TENM2: variants seen among roughly 807,000 people sequenced by gnomAD.
TENM2 encodes teneurin-2.
TENM2 carries 52 observed loss-of-function variants against 245.2 expected under a neutral mutation model. The ratio of observed to expected loss-of-function variants is 0.21; its 90% CI spans 0.17 to 0.27. The LOEUF (loss-of-function observed/expected upper bound fraction) is 0.27, where lower values mean the gene tolerates loss of function less well. Ranked by LOEUF, TENM2 falls within the 10% of genes least tolerant of loss-of-function variation. The pLI, the probability that TENM2 is intolerant of heterozygous loss-of-function variation, is 1.00. For synonymous variants in TENM2, 1,363 were observed against 1,438.9 expected (o/e 0.95, Z 1.19); for missense variants, 3,046 against 3,666.8 (o/e 0.83, Z 4.37).
the TENM2 span, among the ~76,000 whole-genome samples, chr5:167,170,852 G>A: frequency 6.6e-6 from 1 of 152,168 alleles, no homozygotes; most frequent in Middle Eastern, 3.2e-3. Flanking sequence ...ATTTGACACA[G>A]TGAATCACGT....
intron 4 of TENM2, among the ~76,000 whole-genome samples, chr5:167,985,686 C>T (rs1156238320): frequency 6.6e-6 from 1 of 152,164 alleles, no homozygotes; most frequent in African/African-American, 2.4e-5. Context: ...CTTTTCACAG[C>T]CCTGCTAGGA....
At chr5:167,152,210 T>C in the TENM2 span, among the ~76,000 whole-genome samples, 1 of 152,216 alleles carries the variant, frequency 6.6e-6, no homozygotes, top group Non-Finnish European at 1.5e-5. Flanking sequence ...ACTTACATGG[T>C]ATGAAGCAGA....
At chr5:168,026,033 C>T (rs1786593863) in intron 5 of TENM2, among the ~76,000 whole-genome samples, 1 of 152,154 alleles carries the variant, frequency 6.6e-6, no homozygotes, top group Admixed American at 6.5e-5. Context: ...CTGTACAACT[C>T]TCTGGGGAAG....
chr5:167,090,693 G>A, the TENM2 span, among the ~76,000 whole-genome samples: 15 of 151,972 alleles, frequency 9.9e-5, no homozygotes, highest in Non-Finnish European at 1.9e-4. Context: ...ATTACATTTC[G>A]TGAAAGGAGA....
In TENM2 at chr5:168,122,840, T is replaced by C. The variant is rs560978438; in HGVS notation, c.2009-2010T>C. ...AATATCTCTTACCACTGAAAATTATTATTTTTGCCTCAAGGGAGGGCTGCC... is the reference window on the plus strand; with the variant it reads ...AATATCTCTTACCACTGAAAATTATCATTTTTGCCTCAAGGGAGGGCTGCC... On this transcript the variant is annotated intron_variant, in intron 10 of 28. Coordinates refer to ENST00000518659, the Ensembl canonical transcript of TENM2. 3.3e-5 allele frequency among the ~76,000 whole-genome samples: 5 copies of C among 152,276 alleles called. 1 individual carries two copies. The highest frequency in any genetic ancestry group is 1.2e-4 in the African/African-American group (5 of 41,560).
chr5:167,190,215 C>T, the TENM2 span, among the ~76,000 whole-genome samples: 1 of 152,030 alleles, frequency 6.6e-6, no homozygotes, highest in African/African-American at 2.4e-5. Context: ...ATAATGGTTT[C>T]CCCAGTCTAA....
At chr5:167,369,001 C>A (rs1760235699) in intron 1 of TENM2, among the ~76,000 whole-genome samples, 1 of 151,924 alleles carries the variant, frequency 6.6e-6, no homozygotes, top group Non-Finnish European at 1.5e-5. Context: ...AACACTTGGT[C>A]TTTTAAAATT....
intron 5 of TENM2, among the ~76,000 whole-genome samples, chr5:168,037,328 T>C (rs1787795203): frequency 6.6e-6 from 1 of 151,772 alleles, no homozygotes; most frequent in Admixed American, 6.6e-5. Flanking sequence ...TCAACATCCT[T>C]ACTTCTTCAA....
intron 2 of TENM2, among the ~76,000 whole-genome samples, chr5:167,543,736 G>T (rs1006705070): frequency 2.6e-5 from 4 of 152,074 alleles, no homozygotes; most frequent in Non-Finnish European, 5.9e-5. Flanking sequence ...ATTCTTCCTT[G>T]CCCCTTTCTA....
chr5:167,872,504 G>T (rs796700215), intron 2 of TENM2, among the ~76,000 whole-genome samples: 1 of 13,222 alleles, frequency 7.6e-5, no homozygotes, highest in Admixed American at 1.3e-3. Flanking sequence ...AAGAAAGAAA[G>T]AAAGAAAGAA....
At chr5:167,254,598 A>T in the TENM2 span, among the ~76,000 whole-genome samples, 1 of 152,172 alleles carries the variant, frequency 6.6e-6, no homozygotes, top group Non-Finnish European at 1.5e-5. Context: ...CATGGAGCTT[A>T]TATTACCAAG....
intron 23 of TENM2, among the ~76,000 whole-genome samples, chr5:168,221,408 A>G (rs1257093445): frequency 6.6e-6 from 1 of 152,226 alleles, no homozygotes; most frequent in Admixed American, 6.5e-5. Context: ...GGGAGTTGGT[A>G]GTGAAGCAGG....
intron 4 of TENM2, among the ~76,000 whole-genome samples, chr5:167,954,235 T>A (rs938251720): frequency 6.6e-6 from 1 of 152,078 alleles, no homozygotes; most frequent in Non-Finnish European, 1.5e-5. Context: ...ACACAAAGAA[T>A]GGTTACATAA....
chr5:167,754,961 G>A, intron 2 of TENM2: 3 of 1,500,280 alleles, frequency 2.0e-6, no homozygotes, highest in South Asian at 1.3e-5. Context: ...AGCTGGAGAA[G>A]GCCTCAGCTG....
chr5:167,628,088 G>T (rs1561615779), intron 2 of TENM2, among the ~76,000 whole-genome samples: 1 of 152,134 alleles, frequency 6.6e-6, no homozygotes, highest in South Asian at 2.1e-4. Flanking sequence ...TTAACACCAA[G>T]CCTTAGTCCT....
chr5:167,569,753 A>G (rs1040966972), intron 2 of TENM2, among the ~76,000 whole-genome samples: 8 of 152,198 alleles, frequency 5.3e-5, no homozygotes, highest in African/African-American at 1.7e-4. Flanking sequence ...ACTAGCTATT[A>G]TATAATAGCT....
intron 15 of TENM2, among the ~76,000 whole-genome samples, chr5:168,197,981 A>G (rs1311603192): frequency 6.6e-6 from 1 of 152,138 alleles, no homozygotes; most frequent in Non-Finnish European, 1.5e-5. Context: ...TAATTACACT[A>G]TTTATTGAAC....
At chr5:167,848,444 A>G (rs956839566) in intron 2 of TENM2, among the ~76,000 whole-genome samples, 14 of 152,246 alleles carry the variant, frequency 9.2e-5, no homozygotes, top group Non-Finnish European at 1.8e-4. Flanking sequence ...GCAAATATAT[A>G]TATATAAAAC....
At chr5:167,039,897 A>C in the TENM2 span, among the ~76,000 whole-genome samples, 1 of 152,206 alleles carries the variant, frequency 6.6e-6, no homozygotes, top group Non-Finnish European at 1.5e-5. Context: ...ACAAATATAC[A>C]TTCTGAGAGG....
Sources: allele counts gnomAD v4.1 joint callset (sites outside exome capture counted in the v4.1 genomes callset), GRCh38; gene constraint gnomAD v4.1.1; transcripts MANE v1.5; gene names NCBI Gene and HGNC (gene_info 2026-07-23, HGNC 2026-07-21).